Variants in INPP4B observed in about 807,000 individuals in gnomAD.
The protein encoded by INPP4B is inositol polyphosphate 4-phosphatase type II.
INPP4B carries 55 observed loss-of-function variants against 122.5 expected under a neutral mutation model. The observed-to-expected ratio is 0.45, with a 90% CI of 0.36 to 0.56. INPP4B has a LOEUF of 0.56. Among genes scored for constraint, INPP4B ranks in the 20% least tolerant of loss-of-function variants. The pLI, the probability that INPP4B is intolerant of heterozygous loss-of-function variation, is 0.00. For missense variants in INPP4B, 1,000 were observed against 1,097.7 expected, an observed-to-expected ratio of 0.91 and a Z score of 1.26; for synonymous variants, 403 against 388.7, an observed-to-expected ratio of 1.04 and a Z score of -0.43.
chr4:142,067,202 A>G (rs1764001595), intron 25 of INPP4B, among the ~76,000 whole-genome samples: 1 of 152,220 alleles, frequency 6.6e-6, no homozygotes, highest in Non-Finnish European at 1.5e-5. Flanking sequence ...GGTGATACCC[A>G]GGCAAACAGG....
At chr4:142,550,349 A>G (rs914790776) in intron 2 of INPP4B, among the ~76,000 whole-genome samples, 2 of 152,098 alleles carry the variant, frequency 1.3e-5, no homozygotes, top group African/African-American at 4.8e-5. Flanking sequence ...AGGATGATTC[A>G]TGCTGTGTGG....
chr4:142,260,579 A>T lies in INPP4B; in HGVS notation c.616-15T>A, dbSNP rs757787507. ...ACCAGGGCACACTAGGAAAAAATGTAAAAAAAAAAAAAAAATTTTGAGAAC... is the reference window on the plus strand; with the variant it reads ...ACCAGGGCACACTAGGAAAAAATGTTAAAAAAAAAAAAAAATTTTGAGAAC... On this transcript the variant is annotated splice_polypyrimidine_tract_variant and intron_variant, in intron 10 of 25. Coordinates refer to ENST00000262992, the MANE Select transcript of INPP4B (RefSeq NM_001101669.3). The T allele has an allele frequency of 1.8e-6, 2 of 1,093,876 alleles. No individual in the cohort carries two copies. The highest frequency in any genetic ancestry group is 2.0e-5 in the African/African-American group (1 of 50,434). The allele number at this position is 1,093,876 out of a possible 1,614,324, so 67.8% of individuals were successfully genotyped here.
intron 7 of INPP4B, among the ~76,000 whole-genome samples, chr4:142,331,496 T>C (rs1215100864): frequency 1.3e-5 from 2 of 152,128 alleles, no homozygotes; most frequent in Admixed American, 1.3e-4. Flanking sequence ...TTGCAATCAA[T>C]AGTATGAAAA....
chr4:142,723,191 G>C (rs908125309), intron 2 of INPP4B, among the ~76,000 whole-genome samples: 54 of 152,034 alleles, frequency 3.6e-4, no homozygotes, highest in African/African-American at 1.3e-3. Flanking sequence ...TAAACCTACA[G>C]TACATAAAAG....
At position 142,066,621 on chromosome 4, in the gene INPP4B, C is replaced by A. The variant is rs184679869; in HGVS notation, c.2642+15410G>T. Among the ~76,000 whole-genome samples, 558 of 152,320 alleles carry A rather than the reference C, an allele frequency of 3.7e-3. 2 individuals carry two copies. The highest frequency in any genetic ancestry group is 7.0e-3 in the Non-Finnish European group (475 of 68,026). On this transcript the variant is annotated intron_variant, in intron 25 of 25. Transcript: ENST00000262992. ...TACCTGGAAAATCGGGATACTCTGACCCTAATAATGTGCTTTTCCAATGGT... is the reference window on the plus strand; with the variant it reads ...TACCTGGAAAATCGGGATACTCTGAACCTAATAATGTGCTTTTCCAATGGT...
intron 1 of INPP4B, among the ~76,000 whole-genome samples, chr4:142,737,416 A>G (rs1580805266): frequency 6.6e-6 from 1 of 152,210 alleles, no homozygotes; most frequent in Admixed American, 6.5e-5. Flanking sequence ...TATATGTAGA[A>G]AGCTGAAACT....
At position 142,615,270 on chromosome 4, in the gene INPP4B, G is replaced by A. The variant is rs867986005; in HGVS notation, c.-191+110569C>T. The stretch of plus-strand genomic sequence containing the variant: ...TTTTATACATTTTAGAAAGGGAGGA[G>A]GTTTTATACATTTTAGAAAGGAAGG... On this transcript the variant is annotated intron_variant, in intron 2 of 25. Transcript: ENST00000262992. 2.0e-5 allele frequency among the ~76,000 whole-genome samples: 3 copies of A among 152,150 alleles called. No individual in the cohort carries two copies. In the South Asian group the frequency reaches 6.2e-4, roughly 32 times the overall value.
intron 2 of INPP4B, among the ~76,000 whole-genome samples, chr4:142,475,458 A>T (rs531637565): frequency 6.6e-6 from 1 of 152,116 alleles, no homozygotes; most frequent in Non-Finnish European, 1.5e-5. Context: ...CTAAACAACC[A>T]TACTACTTAC....
At chr4:142,289,317 A>G (rs1186683681) in intron 9 of INPP4B, among the ~76,000 whole-genome samples, 1 of 152,188 alleles carries the variant, frequency 6.6e-6, no homozygotes, top group Non-Finnish European at 1.5e-5. Flanking sequence ...CATTCTTACA[A>G]ACTTAACTCA....
chr4:142,117,931 C>T (rs1794537684), intron 21 of INPP4B, among the ~76,000 whole-genome samples: 1 of 152,110 alleles, frequency 6.6e-6, no homozygotes, highest in Admixed American at 6.5e-5. Flanking sequence ...AGCTGATAGG[C>T]AACTTCAGCA....
intron 15 of INPP4B, among the ~76,000 whole-genome samples, chr4:142,178,833 TAAAA>T (rs3049049): frequency 7.1e-6 from 1 of 140,516 alleles, no homozygotes; most frequent in Non-Finnish European, 1.5e-5. Flanking sequence ...ACCCTACTTG[TAAAA>T]AAAAAAAAAA....
intron 2 of INPP4B, among the ~76,000 whole-genome samples, chr4:142,469,652 T>C (rs1818446986): frequency 6.6e-6 from 1 of 152,134 alleles, no homozygotes; most frequent in Admixed American, 6.5e-5. Context: ...TACAGATTAG[T>C]GGGAAAACAT....
At chr4:142,362,856 G>T (rs1304402985) in intron 7 of INPP4B, among the ~76,000 whole-genome samples, 2 of 151,968 alleles carry the variant, frequency 1.3e-5, no homozygotes, top group African/African-American at 4.8e-5. Flanking sequence ...GAGGGAGAAG[G>T]GCAAGGGCTG....
At chr4:142,235,169 G>A (rs760475789) in intron 12 of INPP4B, among the ~76,000 whole-genome samples, 13 of 151,964 alleles carry the variant, frequency 8.6e-5, no homozygotes, top group Non-Finnish European at 1.8e-4. Flanking sequence ...GAAAGACAGC[G>A]GCTCATCCTT....
intron 2 of INPP4B, among the ~76,000 whole-genome samples, chr4:142,609,171 C>G (rs1019115471): frequency 1.3e-5 from 2 of 151,482 alleles, no homozygotes; most frequent in African/African-American, 4.8e-5. Context: ...GAATAATTTT[C>G]CAGTAATGGA....
chr4:142,682,754 T>C (rs1758816963), intron 2 of INPP4B, among the ~76,000 whole-genome samples: 1 of 152,022 alleles, frequency 6.6e-6, no homozygotes, highest in African/African-American at 2.4e-5. Context: ...TGAATTGATA[T>C]TTGGGATTTT....
At chr4:142,372,801 TA>T (rs1790398962) in intron 7 of INPP4B, among the ~76,000 whole-genome samples, 1 of 151,834 alleles carries the variant, frequency 6.6e-6, no homozygotes, top group Non-Finnish European at 1.5e-5. Flanking sequence ...TAGGAAGGAG[TA>T]ATTAGCTCAG....
At chr4:142,813,231 TTA>T (rs1278572215) in intron 1 of INPP4B, among the ~76,000 whole-genome samples, 1 of 152,174 alleles carries the variant, frequency 6.6e-6, no homozygotes, top group Non-Finnish European at 1.5e-5. Flanking sequence ...TTCATAAACA[TTA>T]TGTCATTTCA....
intron 2 of INPP4B, among the ~76,000 whole-genome samples, chr4:142,478,651 T>C (rs1820108861): frequency 6.6e-6 from 1 of 152,166 alleles, no homozygotes; most frequent in South Asian, 2.1e-4. Flanking sequence ...TTGATCATGG[T>C]AGATTAGCTT....
Sources: allele counts gnomAD v4.1 joint callset (sites outside exome capture counted in the v4.1 genomes callset), GRCh38; gene constraint gnomAD v4.1.1; transcripts MANE v1.5; gene names NCBI Gene and HGNC (gene_info 2026-07-23, HGNC 2026-07-21).